NCAPG2: variants seen among roughly 807,000 people sequenced by gnomAD.
NCAPG2 encodes condensin-2 complex subunit G2.
A neutral mutation model predicts 141.1 loss-of-function variants in NCAPG2; 53 were observed. The observed-to-expected ratio is 0.38, with a 90% CI of 0.30 to 0.47. NCAPG2 has a LOEUF of 0.47. Among genes scored for constraint, NCAPG2 ranks in the 20% least tolerant of loss-of-function variants. The pLI is 0.99. For synonymous variants in NCAPG2, 499 were observed against 490.7 expected (o/e 1.02, Z -0.22); for missense variants, 1,087 against 1,389.0 (o/e 0.78, Z 3.46).
chr7:158,650,629 A>G (rs1831417022), intron 24 of NCAPG2, among the ~76,000 whole-genome samples: 1 of 152,366 alleles, frequency 6.6e-6, no homozygotes. Context: ...TATCCTTGGT[A>G]TATGTTTCAC....
rs141171047 is a variant in NCAPG2, at chr7:158,683,816, C to T, written c.838-430G>A. 1.6e-4 allele frequency among the ~76,000 whole-genome samples: 25 copies of T among 152,282 alleles called. 1 individual carries two copies. The highest frequency in any genetic ancestry group is 5.5e-4 in the African/African-American group (23 of 41,556). On this transcript the variant is annotated intron_variant, in intron 8 of 27. Transcript: ENST00000356309. ...AACAAAAACAGAACTACCTCTACGG[C>T]GGAAACTGTAAATAAGATATTTCAG...
intron 3 of NCAPG2, 96 bp from the exon 4 acceptor site, chr7:158,693,052 G>A (rs1835228188): frequency 3.2e-6 from 3 of 928,038 alleles, no homozygotes; most frequent in East Asian, 5.1e-5. Flanking sequence ...TAAAAATCAA[G>A]CCACAATTCT....
rs139461603 is a variant in NCAPG2 at position 158,704,043 on chromosome 7, GCTCT to G, written c.-40+677_-40+680del. Among the ~76,000 whole-genome samples, 501 of 127,900 alleles carry G rather than the reference GCTCT, an allele frequency of 3.9e-3. 2 individuals carry two copies. In the East Asian group the frequency reaches 0.11, roughly 29 times the overall value. The allele number at this position is 127,900 out of a possible 152,430, so 83.9% of individuals were successfully genotyped here. On this transcript the variant is annotated intron_variant, in intron 1 of 27. Coordinates refer to ENST00000356309, the MANE Select transcript of NCAPG2 (RefSeq NM_017760.7). ...TGCCCATGCCCAGGACTGAGGGGAC[GCTCT>G]CTGAGGGCAGTGCCCATGCTCAGGA...
chr7:158,654,569 T>C (rs1831758684), intron 22 of NCAPG2, 26 bp downstream of exon 22: 1 of 1,607,196 alleles, frequency 6.2e-7, no homozygotes. Flanking sequence ...TGAGTATTTA[T>C]TGCTCTAAAA....
At chr7:158,637,334 C>T (rs539409066) in intron 27 of NCAPG2, among the ~76,000 whole-genome samples, 15 of 152,276 alleles carry the variant, frequency 9.9e-5, no homozygotes, top group South Asian at 8.3e-4. Context: ...TTCACTCAGT[C>T]GCTAGGAGCC....
At chr7:158,692,235 A>T (rs1835160584) in intron 4 of NCAPG2, among the ~76,000 whole-genome samples, 1 of 152,182 alleles carries the variant, frequency 6.6e-6, no homozygotes, top group African/African-American at 2.4e-5. Context: ...AGAGGCCAGG[A>T]GGTCAGGGCT....
chr7:158,678,198 G>A (rs939281202), intron 11 of NCAPG2, among the ~76,000 whole-genome samples: 1 of 152,022 alleles, frequency 6.6e-6, no homozygotes, highest in Non-Finnish European at 1.5e-5. Flanking sequence ...GGTACACAGA[G>A]GATACAGGAA....
chr7:158,693,169 T>C (rs1835234729), intron 3 of NCAPG2, 140 bp downstream of exon 3: 1 of 956,662 alleles, frequency 1.0e-6, no homozygotes, highest in Non-Finnish European at 1.5e-6. Flanking sequence ...TGAATAAAAC[T>C]ACAACAGACT....
intron 9 of NCAPG2, 127 bp downstream of exon 9, chr7:158,683,173 T>C: frequency 2.7e-6 from 2 of 736,378 alleles, no homozygotes; most frequent in Non-Finnish European, 4.2e-6. Flanking sequence ...ACATCAAATA[T>C]CAAGGTTCTG....
chr7:158,669,460 T>C (rs1413599870), intron 13 of NCAPG2, among the ~76,000 whole-genome samples: 1 of 152,086 alleles, frequency 6.6e-6, no homozygotes, highest in Non-Finnish European at 1.5e-5. Flanking sequence ...AGCCAGTATT[T>C]TTATTGAAAT....
chr7:158,637,578 C>CTGGCCCACCCCATCCGAGCCACACA (rs1830368947), intron 27 of NCAPG2, among the ~76,000 whole-genome samples: 4 of 152,020 alleles, frequency 2.6e-5, no homozygotes, highest in South Asian at 2.1e-4. Flanking sequence ...AGCTCCGGCT[C>CTGGCCCACCCCATCCGAGCCACACA]CAGCAGCTCC....
At position 158,633,698 on chromosome 7, in the gene NCAPG2, G is replaced by C. The variant is rs560059721; in HGVS notation, c.3381-1981C>G. Among the ~76,000 whole-genome samples the C allele has an allele frequency of 6.6e-6, 1 of 152,296 alleles. No homozygotes were observed. The highest frequency in any genetic ancestry group is 1.9e-4 in the East Asian group (1 of 5,186). On this transcript the variant is annotated intron_variant, in intron 27 of 27. Transcript: ENST00000356309. The surrounding 1 kb of genome is among the most constrained non-coding windows in gnomAD (Gnocchi z 4.1). ...GCCTGGCTCAGCAGCAGTGCAGCCA[G>C]AGGCAAGACAGAGGAGAACAGGCCC...
intron 2 of NCAPG2, among the ~76,000 whole-genome samples, chr7:158,697,256 C>T (rs919101874): frequency 2.0e-5 from 3 of 152,096 alleles, no homozygotes; most frequent in Non-Finnish European, 4.4e-5. Context: ...TTGGTACAGG[C>T]CCAGGCTTAT....
Position 158,664,618 on chromosome 7 carries a change from C to G in NCAPG2, c.1612G>C (p.Glu538Gln), listed in dbSNP as rs767316783. Residue 538 changes from glutamate to glutamine, a missense_variant, in exon 14 of 28, where the codon GAG (glutamate) becomes CAG (glutamine). Coordinates refer to ENST00000356309, the MANE Select transcript of NCAPG2 (RefSeq NM_017760.7). ...ATCTGCACCAGGGTGACACAGCGCT[C>G]GCACCAGACCTCCTCCGGCTGATTC... ...PVNQPEEVWC[E>Q]RCVTLVQMNH... 2 of 1,614,056 alleles carry G rather than the reference C, an allele frequency of 1.2e-6. No homozygotes were observed. The highest frequency in any genetic ancestry group is 2.2e-5 in the South Asian group (2 of 91,078).
chr7:158,662,449 T>G, intron 15 of NCAPG2, 82 bp from the exon 16 acceptor site: 10 of 1,266,916 alleles, frequency 7.9e-6, no homozygotes, highest in African/African-American at 1.5e-5. Context: ...ATTAGAGCTC[T>G]AAAGCAAAAA....
chr7:158,682,404 C>T (rs891341622), intron 9 of NCAPG2, among the ~76,000 whole-genome samples: 6 of 152,012 alleles, frequency 3.9e-5, no homozygotes, highest in African/African-American at 1.4e-4. Context: ...TATGCAATCA[C>T]GATTTTTAAA....
At chr7:158,681,846 T>C (rs1413934879) in intron 9 of NCAPG2, among the ~76,000 whole-genome samples, 1 of 152,206 alleles carries the variant, frequency 6.6e-6, no homozygotes, top group Admixed American at 6.5e-5. Flanking sequence ...TGTCTAATTC[T>C]AGAACATTTT....
At chr7:158,680,679 G>A (rs770431406) in intron 10 of NCAPG2, 42 bp downstream of exon 10, 4 of 1,306,762 alleles carry the variant, frequency 3.1e-6, no homozygotes, top group African/African-American at 1.5e-5. Context: ...AAAAGCACAA[G>A]TAGTACATTC....
At chr7:158,667,521 CTCCTTACCTACCCTGTG>C (rs1563539559) in intron 13 of NCAPG2, among the ~76,000 whole-genome samples, 1,070 of 75,196 alleles carry the variant, frequency 0.014, 220 homozygotes, top group African/African-American at 0.025. Context: ...TCCCTCCGCC[CTCCTTACCTACCCTGTG>C]GCCCTCCACC....
Sources: allele counts gnomAD v4.1 joint callset (sites outside exome capture counted in the v4.1 genomes callset), GRCh38; gene constraint gnomAD v4.1.1; non-coding constraint Gnocchi (gnomAD v3.1); transcripts MANE v1.5; gene names NCBI Gene and HGNC (gene_info 2026-07-23, HGNC 2026-07-21).